The following FMNL2 variants were observed in gnomAD, a reference collection of about 807,000 sequenced individuals.
FMNL2 encodes formin-like protein 2.
Under a neutral mutation model 130.2 loss-of-function variants are expected in FMNL2, and 51 were observed. That is an observed-to-expected ratio of 0.39 (90% CI 0.31 to 0.49). FMNL2 has a LOEUF of 0.49. Ranked by LOEUF, FMNL2 falls within the 20% of genes least tolerant of loss-of-function variation. The probability of loss-of-function intolerance (pLI) is 0.85; values close to 1 mark genes in which losing one functional copy is unlikely to be tolerated. For synonymous variants in FMNL2, 465 were observed against 467.1 expected (o/e 1.00, Z 0.06); for missense variants, 977 against 1,316.2 (o/e 0.74, Z 3.99).
At chr2:152,479,375 G>C (rs1486426690) in intron 1 of FMNL2, among the ~76,000 whole-genome samples, 1 of 152,100 alleles carries the variant, frequency 6.6e-6, no homozygotes, top group Admixed American at 6.6e-5. Flanking sequence ...GAATTCCTGG[G>C]CTCAAGTCAT....
At chr2:152,583,099 A>G (rs1288525367) in intron 9 of FMNL2, among the ~76,000 whole-genome samples, 1 of 152,224 alleles carries the variant, frequency 6.6e-6, no homozygotes, top group Non-Finnish European at 1.5e-5. Flanking sequence ...AGGGTGTAGT[A>G]TGTGCTTAAT....
At chr2:152,337,785 C>T (rs1681563203) in intron 1 of FMNL2, among the ~76,000 whole-genome samples, 1 of 152,070 alleles carries the variant, frequency 6.6e-6, no homozygotes, top group South Asian at 2.1e-4. Flanking sequence ...ATATTCTAAG[C>T]CTCTCAATCA....
intron 1 of FMNL2, among the ~76,000 whole-genome samples, chr2:152,399,396 T>C (rs528224197): frequency 6.6e-6 from 1 of 152,340 alleles, no homozygotes; most frequent in African/African-American, 2.4e-5. Context: ...TGTGCCTTTT[T>C]AATAGATGCT....
chr2:152,417,309 C>T (rs140802917), intron 1 of FMNL2, among the ~76,000 whole-genome samples: 14 of 152,222 alleles, frequency 9.2e-5, no homozygotes, highest in African/African-American at 2.2e-4. Context: ...TTGAAGTCTC[C>T]GGATACAAAA....
intron 1 of FMNL2, among the ~76,000 whole-genome samples, chr2:152,344,851 T>C (rs1682022034): frequency 6.6e-6 from 1 of 152,232 alleles, no homozygotes; most frequent in Admixed American, 6.5e-5. Context: ...TAAACAACAT[T>C]CATTTATTAA....
intron 9 of FMNL2, among the ~76,000 whole-genome samples, chr2:152,584,476 G>A (rs1696958384): frequency 6.6e-6 from 1 of 152,150 alleles, no homozygotes; most frequent in Non-Finnish European, 1.5e-5. Context: ...TGAAGTAGGG[G>A]AGTTCAACAT....
chr2:152,466,335 A>G (rs1689533853), intron 1 of FMNL2, among the ~76,000 whole-genome samples: 1 of 152,218 alleles, frequency 6.6e-6, no homozygotes. Context: ...TTATCTTTGA[A>G]GAAAATGTTT....
At chr2:152,616,537 G>A (rs548388631) in intron 12 of FMNL2, among the ~76,000 whole-genome samples, 3 of 151,974 alleles carry the variant, frequency 2.0e-5, no homozygotes, top group Admixed American at 6.6e-5. Flanking sequence ...TCACCATGTT[G>A]GCCAGGCTGG....
At chr2:152,588,560 A>G (rs1459352113) in intron 9 of FMNL2, among the ~76,000 whole-genome samples, 1 of 152,186 alleles carries the variant, frequency 6.6e-6, no homozygotes, top group East Asian at 1.9e-4. Context: ...ATCAGGAATT[A>G]GCATGTGGAC....
chr2:152,389,974 G>A (rs1558820592), intron 1 of FMNL2: 2 of 1,395,512 alleles, frequency 1.4e-6, no homozygotes, highest in African/African-American at 1.4e-5. Flanking sequence ...CCAGATAAAG[G>A]CAGACAGGCA....
rs150194932 is a variant in FMNL2 at position 152,365,697 on chromosome 2, C to T, written c.117+29977C>T. On this transcript the variant is annotated intron_variant, in intron 1 of 25. Coordinates refer to ENST00000288670, the MANE Select transcript of FMNL2 (RefSeq NM_052905.4). Reference sequence around the variant, plus strand: ...CTGAGGCAGGAGAATCGCTTGAACCCGGGAGGCGGAGGTTGCAGTGAGCCG... The same window carrying T: ...CTGAGGCAGGAGAATCGCTTGAACCTGGGAGGCGGAGGTTGCAGTGAGCCG... Among the ~76,000 whole-genome samples the T allele has an allele frequency of 1.1e-4, 16 of 152,056 alleles. No individual in the cohort carries two copies. The East Asian group carries it at 1.4e-3, about 13-fold the overall frequency.
At chr2:152,575,325 G>A (rs1463816474) in intron 7 of FMNL2, 81 bp downstream of exon 7, 4 of 832,420 alleles carry the variant, frequency 4.8e-6, no homozygotes, top group East Asian at 2.7e-5. Context: ...AGTGTACACC[G>A]CTTGGGCGAA....
At chr2:152,613,130 A>G (rs1386601180) in intron 11 of FMNL2, among the ~76,000 whole-genome samples, 13 of 152,226 alleles carry the variant, frequency 8.5e-5, no homozygotes, top group African/African-American at 3.1e-4. Context: ...TTTCCATTAA[A>G]ATGTTGTTTG....
At chr2:152,414,328 A>G (rs913598824) in intron 1 of FMNL2, among the ~76,000 whole-genome samples, 2 of 152,146 alleles carry the variant, frequency 1.3e-5, no homozygotes, top group Non-Finnish European at 2.9e-5. Flanking sequence ...AATGAATCTC[A>G]CTGGGGGTGG....
rs1699139394 is a variant in FMNL2 at position 152,619,575 on chromosome 2, C to T, written c.1694C>T (p.Pro565Leu). ...CCGCCCCCTCCTCCACCTCCTCCTCCCCCACCGCCCCCTCCGCCTCCTCCT... is the reference window on the plus strand; with the variant it reads ...CCGCCCCCTCCTCCACCTCCTCCTCTCCCACCGCCCCCTCCGCCTCCTCCT... The part of the protein sequence containing the change: ...PPPPPPPPPP[P>L]PPPPPPPPLP... The change falls in exon 15 of 26, where the codon CCC becomes CTC. Residue 565 changes from proline (P) to leucine (L), a missense_variant. Around this residue, in one of 4 missense-constraint regions of FMNL2, gnomAD observed 689 missense variants for 995.9 expected, o/e 0.69. Transcript: ENST00000288670. The T allele has an allele frequency of 7.0e-7, 1 of 1,427,380 alleles. No homozygotes were observed. The highest frequency in any genetic ancestry group is 9.5e-7 in the Non-Finnish European group (1 of 1,047,994). 88.4% of individuals were successfully genotyped at this position (1,427,380 alleles called of 1,614,324 possible).
intron 9 of FMNL2, among the ~76,000 whole-genome samples, chr2:152,584,146 C>G (rs1696939146): frequency 6.6e-6 from 1 of 151,200 alleles, no homozygotes; most frequent in South Asian, 2.1e-4. Flanking sequence ...TTTTTCACAT[C>G]ATAGTAAAGT....
At chr2:152,645,192 ATATC>A (rs776602327) in intron 25 of FMNL2, among the ~76,000 whole-genome samples, 9 of 152,268 alleles carry the variant, frequency 5.9e-5, no homozygotes, top group South Asian at 2.1e-4. Flanking sequence ...CTGTTGGACT[ATATC>A]TATCTTTCTG....
rs189492229 is a variant in FMNL2 at position 152,439,773 on chromosome 2, T to A, written c.118-82170T>A. On this transcript the variant is annotated intron_variant, in intron 1 of 25. Coordinates refer to ENST00000288670, the MANE Select transcript of FMNL2 (RefSeq NM_052905.4). ...GAATATAGCTTGGGCTACTTTTGTT[T>A]TGGGGTCATATTTAAGTTAATTTGG... Among the ~76,000 whole-genome samples the A allele has an allele frequency of 6.7e-5, 10 of 150,014 alleles. No homozygotes were observed. In the Admixed American group the frequency reaches 6.7e-4, roughly 10 times the overall value.
intron 1 of FMNL2, among the ~76,000 whole-genome samples, chr2:152,362,887 A>G (rs4274556): frequency 0.67 from 102,023 of 151,628 alleles, 36,167 homozygotes; most frequent in Admixed American, 0.81. Flanking sequence ...GCATGCTACA[A>G]CACGGTGAAT....
Sources: allele counts gnomAD v4.1 joint callset (sites outside exome capture counted in the v4.1 genomes callset), GRCh38; gene constraint gnomAD v4.1.1; regional missense constraint gnomAD v4.1.1; transcripts MANE v1.5; gene names NCBI Gene and HGNC (gene_info 2026-07-23, HGNC 2026-07-21).